The following FAM135B variants were observed in gnomAD, a reference collection of about 807,000 sequenced individuals.
The protein encoded by FAM135B is family with sequence similarity 135 member B, also known as protein FAM135B.
Under a neutral mutation model 127.7 loss-of-function variants are expected in FAM135B, and 43 were observed. That is an observed-to-expected ratio of 0.34 (90% confidence interval 0.26 to 0.43). The LOEUF (loss-of-function observed/expected upper bound fraction) is 0.43. Ranked by LOEUF, FAM135B falls within the 20% of genes least tolerant of loss-of-function variation. The pLI, the probability that FAM135B is intolerant of heterozygous loss-of-function variation, is 1.00. For synonymous variants in FAM135B, 670 were observed against 665.1 expected, an observed-to-expected ratio of 1.01 and a Z score of -0.11; for missense variants, 1,558 against 1,725.6, an observed-to-expected ratio of 0.90 and a Z score of 1.72.
In FAM135B at chr8:138,243,191, C is replaced by T. The variant is rs191204277; in HGVS notation, c.543-123G>A. 7.1e-5 allele frequency: 81 copies of T among 1,137,434 alleles called. No individual in the cohort carries two copies. Among genetic ancestry groups the T allele is most frequent in the Non-Finnish European group, 3.6e-6 (3 of 827,320 alleles). 70.5% of individuals were successfully genotyped at this position (1,137,434 alleles called of 1,614,324 possible). A position where few individuals can be genotyped will look rare whatever the true frequency, so the allele number is the denominator to read the frequency against. On this transcript the variant is annotated intron_variant, in intron 6 of 19. Transcript: ENST00000395297. The surrounding 1 kb of genome is among the most constrained non-coding windows in gnomAD (Gnocchi z 7.5). ...GGATAAGTCATTTAGGAGTAGTTCA[C>T]CCCCTAGGGAGTGTTTGCATGTGAC... is the stretch of plus-strand genomic sequence containing the variant.
intron 1 of FAM135B, among the ~76,000 whole-genome samples, chr8:138,407,646 A>G (rs1039628429): frequency 6.6e-6 from 1 of 152,206 alleles, no homozygotes; most frequent in Non-Finnish European, 1.5e-5. Flanking sequence ...TGAGAAAAAC[A>G]AGCAGTGGGG....
intron 7 of FAM135B, among the ~76,000 whole-genome samples, chr8:138,205,927 T>C (rs1353043245): frequency 1.3e-5 from 2 of 151,830 alleles, no homozygotes; most frequent in Non-Finnish European, 2.9e-5. Flanking sequence ...CCATTATGCA[T>C]GTATGTACTT....
chr8:138,163,394 C>A (rs1819595965), intron 12 of FAM135B, among the ~76,000 whole-genome samples: 1 of 152,088 alleles, frequency 6.6e-6, no homozygotes, highest in Non-Finnish European at 1.5e-5. Context: ...GCACATGGCA[C>A]ATGTTTAGGC....
chr8:138,375,804 G>C (rs927507740), intron 1 of FAM135B, among the ~76,000 whole-genome samples: 1 of 152,194 alleles, frequency 6.6e-6, no homozygotes, highest in South Asian at 2.1e-4. Context: ...GGGATGGGGG[G>C]AAGTCTTTCT....
intron 2 of FAM135B, among the ~76,000 whole-genome samples, chr8:138,319,989 C>A (rs752657980): frequency 6.6e-6 from 1 of 152,112 alleles, no homozygotes; most frequent in Non-Finnish European, 1.5e-5. Context: ...GATCACCAGC[C>A]AAGGGATGCA....
rs191840993 is a variant in FAM135B, at chr8:138,297,377, C to A, written c.157+13464G>T. Reference sequence around the variant, plus strand: ...CATATGCAGAAACTAAGGCACTGGGCGCTTGCCCAAAGTCTCACCATTTTA... The same window carrying A: ...CATATGCAGAAACTAAGGCACTGGGAGCTTGCCCAAAGTCTCACCATTTTA... On this transcript the variant is annotated intron_variant, in intron 3 of 19. Coordinates refer to ENST00000395297, the MANE Select transcript of FAM135B (RefSeq NM_015912.4). Among the ~76,000 whole-genome samples, 188 of 152,272 alleles carry A rather than the reference C, an allele frequency of 1.2e-3. 2 individuals are homozygous for A. The highest frequency in any genetic ancestry group is 3.1e-3 in the South Asian group (15 of 4,820).
At chr8:138,325,303 T>C (rs1512394) in intron 2 of FAM135B, among the ~76,000 whole-genome samples, 133,191 of 152,136 alleles carry the variant, frequency 0.88, 59,436 homozygotes, top group Non-Finnish European at 0.97. Context: ...GTGCTTTAAC[T>C]TCACATTGGT....
chr8:138,278,163 G>T (rs540035941), intron 3 of FAM135B, among the ~76,000 whole-genome samples: 27 of 152,056 alleles, frequency 1.8e-4, no homozygotes, highest in African/African-American at 5.5e-4. Context: ...CAGGTCATCT[G>T]GTAGTTGAAT....
At chr8:138,481,004 A>G (rs1814754365) in intron 1 of FAM135B, among the ~76,000 whole-genome samples, 1 of 152,212 alleles carries the variant, frequency 6.6e-6, no homozygotes, top group Non-Finnish European at 1.5e-5. Context: ...GTTTGAACAC[A>G]TTGTTTAGAA....
chr8:138,493,139 C>T (rs1052582230), intron 1 of FAM135B, among the ~76,000 whole-genome samples: 5 of 152,180 alleles, frequency 3.3e-5, no homozygotes, highest in African/African-American at 1.2e-4. Flanking sequence ...GGTGTGCAGC[C>T]ACCTAGAAAT....
chr8:138,445,885 A>G (rs201252379), intron 1 of FAM135B, among the ~76,000 whole-genome samples: 1 of 152,200 alleles, frequency 6.6e-6, no homozygotes, highest in Non-Finnish European at 1.5e-5. Flanking sequence ...CAGATGACAT[A>G]ATTGTATATC....
In FAM135B at chr8:138,399,374, T is replaced by G. The variant is rs1284929403; in HGVS notation, c.-19-31372A>C. 2.6e-5 allele frequency among the ~76,000 whole-genome samples: 4 copies of G among 152,190 alleles called. No homozygotes were observed. In the East Asian group the frequency reaches 7.7e-4, roughly 29 times the overall value. ...TCAGCAGAGCAGTATTCAAATCTAG[T>G]CAATCTAGAATAGAGAGTGAGCTCT... On this transcript the variant is annotated intron_variant, in intron 1 of 19. Transcript: ENST00000395297.
intron 2 of FAM135B, among the ~76,000 whole-genome samples, chr8:138,330,431 A>G (rs546876848): frequency 6.6e-6 from 1 of 152,064 alleles, no homozygotes; most frequent in South Asian, 2.1e-4. Flanking sequence ...CACAAAGAAT[A>G]CTCATCTCAG....
chr8:138,217,070 T>G (rs1218298710), intron 7 of FAM135B, among the ~76,000 whole-genome samples: 1 of 152,192 alleles, frequency 6.6e-6, no homozygotes, highest in African/African-American at 2.4e-5. Context: ...AGATAATCTA[T>G]GTAAGCATTG....
Position 138,130,957 on chromosome 8 carries a change from G to C in FAM135B, c.*1636C>G, listed in dbSNP as rs1018727354. 2 of 152,332 alleles carry C rather than the reference G, an allele frequency of 1.3e-5. No individual in the cohort carries two copies. Among genetic ancestry groups the C allele is most frequent in the African/African-American group, 2.4e-5 (1 of 41,562 alleles). 9.4% of individuals were successfully genotyped at this position (152,332 alleles called of 1,614,324 possible). ...ATCCATTGTGTGGAACTCTGCCTTT[G>C]CAAGACATTCAACTCTCCCTCAACG... On this transcript the variant is annotated 3_prime_UTR_variant, in exon 20 of 20. Transcript: ENST00000395297.
intron 7 of FAM135B, among the ~76,000 whole-genome samples, chr8:138,207,216 CTTTTT>C (rs72229891): frequency 0.11 from 14,533 of 134,044 alleles, 696 homozygotes; most frequent in Admixed American, 0.12. Context: ...TGAAACAATA[CTTTTT>C]TTTTTTTTTT....
chr8:138,351,683 CTTT>C (rs889424592), intron 2 of FAM135B, among the ~76,000 whole-genome samples: 3 of 109,468 alleles, frequency 2.7e-5, no homozygotes, highest in Admixed American at 9.9e-5. Flanking sequence ...TAGGGCAGAT[CTTT>C]TTTTTTTTTT....
At chr8:138,264,069 C>A (rs1205311759) in intron 4 of FAM135B, among the ~76,000 whole-genome samples, 1 of 152,238 alleles carries the variant, frequency 6.6e-6, no homozygotes, top group Non-Finnish European at 1.5e-5. Flanking sequence ...CCTTTCCCCT[C>A]CCTCTCTGTG....
intron 1 of FAM135B, among the ~76,000 whole-genome samples, chr8:138,488,315 A>G (rs1815064017): frequency 2.8e-5 from 2 of 70,812 alleles, no homozygotes; most frequent in Non-Finnish European, 5.4e-5. Flanking sequence ...CTATGAGTAC[A>G]GCAAAGTCCT....
Sources: allele counts gnomAD v4.1 joint callset (sites outside exome capture counted in the v4.1 genomes callset), GRCh38; gene constraint gnomAD v4.1.1; non-coding constraint Gnocchi (gnomAD v3.1); transcripts MANE v1.5; gene names NCBI Gene and HGNC (gene_info 2026-07-23, HGNC 2026-07-21).